The following WWOX variants were observed in gnomAD, a reference collection of about 807,000 sequenced individuals.
WWOX encodes the protein WW domain-containing oxidoreductase.
A neutral mutation model predicts 46.2 loss-of-function variants in WWOX; 69 were observed. That is an observed-to-expected ratio of 1.49 (90% confidence interval 1.23 to 1.82). WWOX has a LOEUF of 1.82. WWOX is among the 40% of genes most tolerant of loss of function. The pLI, the probability that WWOX is intolerant of heterozygous loss-of-function variation, is 0.00. For missense variants in WWOX, 919 were observed against 542.6 expected (o/e 1.69, Z -6.89); for synonymous variants, 359 against 202.6 (o/e 1.77, Z -6.56).
chr16:78,580,994 G>A (rs1332391481), intron 8 of WWOX, among the ~76,000 whole-genome samples: 1 of 152,036 alleles, frequency 6.6e-6, no homozygotes, highest in Non-Finnish European at 1.5e-5. Flanking sequence ...CAACAAAAAA[G>A]TATATCTGTG....
intron 8 of WWOX, among the ~76,000 whole-genome samples, chr16:78,634,710 A>C (rs1285529271): frequency 3.3e-5 from 5 of 151,674 alleles, no homozygotes; most frequent in Non-Finnish European, 7.4e-5. Context: ...TGTGTTAAAA[A>C]AAAAAAAAAA....
intron 1 of WWOX, among the ~76,000 whole-genome samples, chr16:78,107,043 A>G (rs746077434): frequency 3.4e-4 from 52 of 152,374 alleles, no homozygotes; most frequent in Middle Eastern, 6.8e-3. Flanking sequence ...TGCAAGTTGT[A>G]GAATTTTTTA....
At chr16:78,328,872 C>G (rs1258057435) in intron 5 of WWOX, among the ~76,000 whole-genome samples, 1 of 151,638 alleles carries the variant, frequency 6.6e-6, no homozygotes, top group African/African-American at 2.4e-5. Context: ...CTCTTCTCTT[C>G]TTTTCTTTTC....
At chr16:78,455,196 T>C (rs1270277115) in intron 8 of WWOX, among the ~76,000 whole-genome samples, 2 of 152,184 alleles carry the variant, frequency 1.3e-5, no homozygotes, top group Non-Finnish European at 1.5e-5. Context: ...GAGACTTGAA[T>C]GATGTGTCGG....
intron 7 of WWOX, among the ~76,000 whole-genome samples, chr16:78,430,469 A>C (rs114709450): frequency 0.011 from 1,708 of 152,318 alleles, 24 homozygotes; most frequent in African/African-American, 0.039. Flanking sequence ...AATTATCCAC[A>C]GGCTTTTCAT....
intron 1 of WWOX, among the ~76,000 whole-genome samples, chr16:78,104,627 A>G (rs1354971075): frequency 6.6e-6 from 1 of 152,198 alleles, no homozygotes; most frequent in Non-Finnish European, 1.5e-5. Context: ...TTAAATGACA[A>G]GCTCGTTGAA....
intron 8 of WWOX, among the ~76,000 whole-genome samples, chr16:78,611,885 A>G (rs1467763869): frequency 6.6e-6 from 1 of 152,206 alleles, no homozygotes; most frequent in Non-Finnish European, 1.5e-5. Context: ...TGCTTCTCTC[A>G]TTCCATTGGC....
At chr16:78,325,333 T>C (rs928529942) in intron 5 of WWOX, among the ~76,000 whole-genome samples, 2 of 152,266 alleles carry the variant, frequency 1.3e-5, no homozygotes, top group African/African-American at 2.4e-5. Context: ...AAGCAATGTT[T>C]CATTATTCCT....
At chr16:79,026,917 C>A (rs1199716657) in intron 8 of WWOX, among the ~76,000 whole-genome samples, 1 of 150,978 alleles carries the variant, frequency 6.6e-6, no homozygotes, top group African/African-American at 2.5e-5. Context: ...GTGTGAGCCA[C>A]CACGCCTGGG....
chr16:78,519,322 T>C (rs2043300753), intron 8 of WWOX, among the ~76,000 whole-genome samples: 1 of 152,136 alleles, frequency 6.6e-6, no homozygotes, highest in Non-Finnish European at 1.5e-5. Flanking sequence ...AGTAAGCATG[T>C]TGCTCTGGTA....
In WWOX at chr16:79,061,502, C is replaced by T. The variant is rs549859194; in HGVS notation, c.1057-150106C>T. Among the ~76,000 whole-genome samples, 38 of 152,236 alleles carry T rather than the reference C, an allele frequency of 2.5e-4. 1 individual carries two copies. Among genetic ancestry groups the T allele is most frequent in the African/African-American group, 7.7e-4 (32 of 41,544 alleles). On this transcript the variant is annotated intron_variant, in intron 8 of 8. Coordinates refer to ENST00000566780, the MANE Select transcript of WWOX (RefSeq NM_016373.4). Reference sequence around the variant, plus strand: ...TCTTGCAAAATGCAAATTTTACCTGCGGGGATACCCATTCAACAATTAGAA... The same window carrying T: ...TCTTGCAAAATGCAAATTTTACCTGTGGGGATACCCATTCAACAATTAGAA...
chr16:78,672,741 C>T (rs926326632), intron 8 of WWOX, among the ~76,000 whole-genome samples: 1 of 152,190 alleles, frequency 6.6e-6, no homozygotes, highest in African/African-American at 2.4e-5. Context: ...GTCTGCAGCC[C>T]CCCATTTTAG....
At chr16:78,928,257 C>T (rs908346173) in intron 8 of WWOX, among the ~76,000 whole-genome samples, 1 of 146,104 alleles carries the variant, frequency 6.8e-6, no homozygotes, top group Non-Finnish European at 1.5e-5. Context: ...GGCTGGAGTG[C>T]AGTGGCGCGA....
At chr16:78,911,787 A>G (rs1285419557) in intron 8 of WWOX, among the ~76,000 whole-genome samples, 3 of 151,916 alleles carry the variant, frequency 2.0e-5, no homozygotes, top group Non-Finnish European at 4.4e-5. Flanking sequence ...AATCACTTGA[A>G]CCCGGGAAGC....
intron 8 of WWOX, among the ~76,000 whole-genome samples, chr16:79,104,183 A>G (rs893846626): frequency 1.3e-5 from 2 of 152,138 alleles, no homozygotes; most frequent in East Asian, 3.9e-4. Context: ...CTCTAAAGCA[A>G]TGGTTTTCAA....
chr16:78,177,104 A>C (rs1462786081), intron 5 of WWOX, among the ~76,000 whole-genome samples: 2 of 152,230 alleles, frequency 1.3e-5, no homozygotes, highest in Admixed American at 1.3e-4. Context: ...TGATATCTGC[A>C]GAAGTTGAGA....
At chr16:78,971,759 G>A (rs1110893) in intron 8 of WWOX, among the ~76,000 whole-genome samples, 97,306 of 147,596 alleles carry the variant, frequency 0.66, 31,997 homozygotes, top group African/African-American at 0.72. Flanking sequence ...TTCTTTTTGT[G>A]CTGTTGGGTT....
intron 8 of WWOX, among the ~76,000 whole-genome samples, chr16:78,518,162 G>A (rs2151494730): frequency 6.6e-6 from 1 of 152,160 alleles, no homozygotes; most frequent in Non-Finnish European, 1.5e-5. Context: ...CTATCACTGT[G>A]CTTTTTAAGT....
At chr16:78,496,525 C>G (rs369064923) in intron 8 of WWOX, 7 of 152,300 alleles carry the variant, frequency 4.6e-5, no homozygotes, top group African/African-American at 1.7e-4. Context: ...ATGATAACAT[C>G]AAAGGTGTGT....
Sources: gnomAD v4.1 joint callset for allele counts (sites outside exome capture counted in the v4.1 genomes callset) on GRCh38, gnomAD v4.1.1 for gene constraint, MANE v1.5 for transcripts, NCBI Gene and HGNC (gene_info 2026-07-23, HGNC 2026-07-21) for gene names.